URI1: variants seen among roughly 807,000 people sequenced by gnomAD.
URI1 encodes unconventional prefoldin RPB5 interactor 1.
A neutral mutation model predicts 60.2 loss-of-function variants in URI1; 39 were observed. The ratio of observed to expected loss-of-function variants is 0.65; its 90% CI spans 0.50 to 0.85. The LOEUF (loss-of-function observed/expected upper bound fraction) is 0.85. Among genes scored for constraint, URI1 ranks in the 40% least tolerant of loss-of-function variants. The probability of loss-of-function intolerance (pLI) is 0.00; values close to 1 mark genes in which losing one functional copy is unlikely to be tolerated. For synonymous variants in URI1, 251 were observed against 236.8 expected (o/e 1.06, Z -0.55); for missense variants, 691 against 665.9 (o/e 1.04, Z -0.42).
In URI1 at chr19:29,990,821, C is replaced by T. The variant is rs537583813; in HGVS notation, c.367+4404C>T. On this transcript the variant is annotated intron_variant, in intron 4 of 10. Coordinates refer to ENST00000392271, the MANE Select transcript of URI1 (RefSeq NM_003796.3). ...ATGGTTGCACAACCCTTTGAATATA[C>T]GAAAACCATCAAATTGTACATTTTA... Among the ~76,000 whole-genome samples, 29 of 152,104 alleles carry T rather than the reference C, an allele frequency of 1.9e-4. 2 individuals are homozygous for T. Among genetic ancestry groups the T allele is most frequent in the Admixed American group, 4.6e-4 (7 of 15,278 alleles).
chr19:29,986,110 C>T lies in URI1; in HGVS notation c.232-172C>T, dbSNP rs1172873102. Among the ~76,000 whole-genome samples the T allele has an allele frequency of 2.0e-5, 3 of 152,100 alleles. No individual in the cohort carries two copies. The South Asian group carries it at 6.2e-4, about 32-fold the overall frequency. On this transcript the variant is annotated intron_variant, in intron 3 of 10. Transcript: ENST00000392271. ...CATAAAGCAATTTTCTTTAGATTTTCCTAGTAAAATTTTAATATAGTGTTG... is the reference window on the plus strand; with the variant it reads ...CATAAAGCAATTTTCTTTAGATTTTTCTAGTAAAATTTTAATATAGTGTTG...
intron 1 of URI1, among the ~76,000 whole-genome samples, chr19:29,958,350 G>A (rs770215287): frequency 3.9e-5 from 6 of 152,090 alleles, no homozygotes; most frequent in African/African-American, 1.2e-4. Flanking sequence ...ACAGATGTTC[G>A]TAGTTGGCTT....
chr19:29,951,143 T>C (rs966368817), intron 1 of URI1, among the ~76,000 whole-genome samples: 3 of 152,086 alleles, frequency 2.0e-5, no homozygotes, highest in African/African-American at 4.8e-5. Flanking sequence ...ATGATGACTT[T>C]CCATTGCATC....
At chr19:29,951,026 A>G (rs1048364278) in intron 1 of URI1, among the ~76,000 whole-genome samples, 6 of 152,184 alleles carry the variant, frequency 3.9e-5, no homozygotes, top group Admixed American at 2.0e-4. Context: ...AGTTACTCCA[A>G]AAGCTCCGAA....
intron 1 of URI1, chr19:29,956,341 A>G (rs904259934): frequency 3.1e-6 from 3 of 975,782 alleles, no homozygotes; most frequent in Non-Finnish European, 4.4e-6. Context: ...TTATTGCATC[A>G]TTGAAATATC....
chr19:30,016,588 TTAAA>T lies in URI1; in HGVS notation c.*1523_*1526del, dbSNP rs2056088895. 6.6e-6 allele frequency: 1 copy of T among 152,258 alleles called. No homozygotes were observed. The highest frequency in any genetic ancestry group is 2.1e-4 in the South Asian group (1 of 4,828). The allele number at this position is 152,258 out of a possible 1,614,324, so 9.4% of individuals were successfully genotyped here. The stretch of plus-strand genomic sequence containing the variant: ...ATTTGTAATTTCAAGATGCGTGTCA[TTAAA>T]TAATTTTTCATGTTCACAGACTTGA... On this transcript the variant is annotated 3_prime_UTR_variant, in exon 11 of 11. Transcript: ENST00000392271.
At chr19:29,942,857 G>T (rs565839895) in intron 1 of URI1, among the ~76,000 whole-genome samples, 193 bp downstream of exon 1, 52 of 152,150 alleles carry the variant, frequency 3.4e-4, no homozygotes, top group Non-Finnish European at 6.0e-4. Flanking sequence ...GGGGTGTGCA[G>T]CCCGTTCGCC....
chr19:29,982,491 A>G (rs2055611367), intron 2 of URI1, among the ~76,000 whole-genome samples: 2 of 152,196 alleles, frequency 1.3e-5, no homozygotes, highest in Admixed American at 6.5e-5. Flanking sequence ...ATATTCATAG[A>G]AATATTTAGA....
chr19:29,945,155 C>G (rs2055087251), intron 1 of URI1, among the ~76,000 whole-genome samples: 1 of 152,168 alleles, frequency 6.6e-6, no homozygotes. Context: ...AATGACTGTT[C>G]TCAGTTTTCC....
intron 1 of URI1, among the ~76,000 whole-genome samples, chr19:29,932,198 C>G (rs940675814): frequency 6.6e-6 from 1 of 151,894 alleles, no homozygotes; most frequent in Non-Finnish European, 1.5e-5. Context: ...CTTATATGGT[C>G]CTAATAACGT....
chr19:29,949,665 C>T lies in URI1; in HGVS notation c.117+7001C>T, dbSNP rs1050741889. Reference sequence around the variant, plus strand: ...GACTCCGTCTGCAATCCCGGCACGTCGGGGGGCCAAGGCTGGCAGATCACT... The same window carrying T: ...GACTCCGTCTGCAATCCCGGCACGTTGGGGGGCCAAGGCTGGCAGATCACT... On this transcript the variant is annotated intron_variant, in intron 1 of 10. Transcript: ENST00000392271. Among the ~76,000 whole-genome samples the T allele has an allele frequency of 9.9e-5, 15 of 151,858 alleles. No individual in the cohort carries two copies. In the East Asian group the frequency reaches 1.9e-3, roughly 20 times the overall value.
At chr19:29,961,972 A>G (rs1372204371) in intron 1 of URI1, among the ~76,000 whole-genome samples, 1 of 152,296 alleles carries the variant, frequency 6.6e-6, no homozygotes, top group African/African-American at 2.4e-5. Context: ...GGCGTGTGCC[A>G]CTGCGCCCGG....
intron 1 of URI1, among the ~76,000 whole-genome samples, chr19:29,944,445 GAT>G (rs2055078769): frequency 6.6e-6 from 1 of 151,678 alleles, no homozygotes; most frequent in Non-Finnish European, 1.5e-5. Flanking sequence ...ATGCTGACTT[GAT>G]ATGTTTTCTG....
chr19:29,956,285 CTTTTTTTTTTTT>C (rs369678110), intron 1 of URI1: 1 of 375,072 alleles, frequency 2.7e-6, no homozygotes, highest in Non-Finnish European at 4.3e-6. Context: ...CCAGAGTAGT[CTTTTTTTTTTTT>C]TTTTTTTTAA....
At chr19:29,970,129 T>A (rs1208747101) in intron 1 of URI1, among the ~76,000 whole-genome samples, 2 of 78,126 alleles carry the variant, frequency 2.6e-5, no homozygotes, top group Non-Finnish European at 4.6e-5. Context: ...ATCGTGTGTA[T>A]TTTTTTTTTT....
At chr19:29,924,742 G>C (rs569242656) in intron 1 of URI1, among the ~76,000 whole-genome samples, 1 of 152,220 alleles carries the variant, frequency 6.6e-6, no homozygotes, top group Admixed American at 6.5e-5. Flanking sequence ...TGTGAGAGCC[G>C]GGGTGGGGCT....
At chr19:29,949,793 C>G (rs2055155908) in intron 1 of URI1, among the ~76,000 whole-genome samples, 1 of 152,132 alleles carries the variant, frequency 6.6e-6, no homozygotes, top group Non-Finnish European at 1.5e-5. Flanking sequence ...GCCTGCAATC[C>G]CAGGCACTCT....
At position 29,999,217 on chromosome 19, in the gene URI1, A is replaced by G. The variant is rs551134633; in HGVS notation, c.368-6144A>G. Among the ~76,000 whole-genome samples the G allele has an allele frequency of 1.5e-3, 234 of 152,242 alleles. 1 individual carries two copies. The highest frequency in any genetic ancestry group is 2.0e-3 in the Non-Finnish European group (134 of 67,968). On this transcript the variant is annotated intron_variant, in intron 4 of 10. Coordinates refer to ENST00000392271, the MANE Select transcript of URI1 (RefSeq NM_003796.3). Reference sequence around the variant, plus strand: ...TAGAAAAGAAAAAAGTGGAGTTACAAACCAAAATGACAGTAATACTTATTT... The same window carrying G: ...TAGAAAAGAAAAAAGTGGAGTTACAGACCAAAATGACAGTAATACTTATTT...
chr19:29,942,371 T>A lies in URI1; in HGVS notation c.-177T>A. 1 of 984,244 alleles carries A rather than the reference T, an allele frequency of 1.0e-6. No homozygotes were observed. The highest frequency in any genetic ancestry group is 1.8e-5 in the African/African-American group (1 of 57,068). The allele number at this position is 984,244 out of a possible 1,614,324, so 61.0% of individuals were successfully genotyped here. On this transcript the variant is annotated 5_prime_UTR_variant, in exon 1 of 11. It removes an upstream start codon present in the reference 5' UTR. Transcript: ENST00000392271. The stretch of plus-strand genomic sequence containing the variant: ...GCGGCGGGGACATGCACGTGTGAGA[T>A]GCGGCAGCGGGCGGCGCGGACGCGA...
Sources: gnomAD v4.1 joint callset for allele counts (sites outside exome capture counted in the v4.1 genomes callset) on GRCh38, gnomAD v4.1.1 for gene constraint, MANE v1.5 for transcripts, NCBI Gene and HGNC (gene_info 2026-07-23, HGNC 2026-07-21) for gene names.